Variants in PIEZO2 observed in about 807,000 individuals in gnomAD.
PIEZO2 encodes the protein piezo-type mechanosensitive ion channel component 2.
A neutral mutation model predicts 337.3 loss-of-function variants in PIEZO2; 172 were observed. The ratio of observed to expected loss-of-function variants is 0.51; its 90% CI spans 0.45 to 0.58. PIEZO2 has a LOEUF of 0.58. PIEZO2 is among the 20% of genes least tolerant of loss of function. PIEZO2 has a pLI of 0.00. For synonymous variants in PIEZO2, 1,251 were observed against 1,228.5 expected, an observed-to-expected ratio of 1.02 and a Z score of -0.38; for missense variants, 3,028 against 3,391.3, an observed-to-expected ratio of 0.89 and a Z score of 2.66.
intron 5 of PIEZO2, among the ~76,000 whole-genome samples, chr18:10,864,981 C>T (rs968025008): frequency 6.6e-6 from 1 of 152,164 alleles, no homozygotes; most frequent in Admixed American, 6.5e-5. Flanking sequence ...GGGAGAAGAG[C>T]ATCTGCACAA....
chr18:10,887,589 C>T (rs1026219380), intron 4 of PIEZO2, among the ~76,000 whole-genome samples: 1 of 152,198 alleles, frequency 6.6e-6, no homozygotes, highest in Non-Finnish European at 1.5e-5. Flanking sequence ...ATTGACACAA[C>T]ACTGCCATCC....
At chr18:10,999,858 A>G (rs1266916616) in intron 2 of PIEZO2, among the ~76,000 whole-genome samples, 1 of 152,258 alleles carries the variant, frequency 6.6e-6, no homozygotes, top group East Asian at 1.9e-4. Context: ...TAAATTCTAA[A>G]TGAGATTAAA....
chr18:10,943,290 G>A lies in PIEZO2; in HGVS notation c.287-32062C>T, dbSNP rs1030414944. On this transcript the variant is annotated intron_variant, in intron 3 of 55. Transcript: ENST00000674853. The surrounding 1 kb of genome is among the most constrained non-coding windows in gnomAD (Gnocchi z 4.5). ...CTTGCACCATGTGCCTGGAAAAGCC[G>A]CAGACACTCAACTCCAACCAGTGAA... Among the ~76,000 whole-genome samples, 9 of 152,262 alleles carry A rather than the reference G, an allele frequency of 5.9e-5. No individual in the cohort carries two copies. The highest frequency in any genetic ancestry group is 1.7e-4 in the African/African-American group (7 of 41,560).
intron 17 of PIEZO2, among the ~76,000 whole-genome samples, chr18:10,782,281 T>C (rs1260009421): frequency 3.3e-5 from 1 of 30,376 alleles, no homozygotes; most frequent in Non-Finnish European, 6.9e-5. Context: ...AACAATTATA[T>C]AATATAATTA....
chr18:10,865,423 G>T (rs1030975155), intron 5 of PIEZO2, among the ~76,000 whole-genome samples: 33 of 152,162 alleles, frequency 2.2e-4, no homozygotes, highest in African/African-American at 8.0e-4. Flanking sequence ...TGCTTGGTGA[G>T]GATTGTGGCA....
At position 11,106,558 on chromosome 18, in the gene PIEZO2, C is replaced by A. The variant is rs115494673; in HGVS notation, c.65-40336G>T. ...AAGAATCTGGGACCACAACCACGCA[C>A]ACCACCATACCAGGATATTTTGTTT... On this transcript the variant is annotated intron_variant, in intron 1 of 55. Coordinates refer to ENST00000674853, the MANE Select transcript of PIEZO2 (RefSeq NM_001378183.1). 8.0e-3 allele frequency among the ~76,000 whole-genome samples: 1,211 copies of A among 151,992 alleles called. 16 individuals carry two copies. The highest frequency in any genetic ancestry group is 0.027 in the African/African-American group (1,135 of 41,420).
intron 30 of PIEZO2, among the ~76,000 whole-genome samples, chr18:10,747,450 A>T (rs538600083): frequency 6.6e-6 from 1 of 152,226 alleles, no homozygotes; most frequent in Non-Finnish European, 1.5e-5. Context: ...GTTTATATAC[A>T]AGTAAGTAAG....
rs1288890705 is a variant in PIEZO2, at chr18:10,759,881, A to G, written c.3479T>C (p.Ile1160Thr). Residue 1160 changes from isoleucine (I) to threonine (T), a missense_variant, in exon 25 of 56, where the codon ATT (isoleucine) becomes ACT (threonine). Physicochemically the swap from Ile to Thr is moderately conservative, Grantham distance 89. Coordinates refer to ENST00000674853, the MANE Select transcript of PIEZO2 (RefSeq NM_001378183.1). This position sits in a 1 kb window ranked among gnomAD's most constrained non-coding sequence, Gnocchi z 5.5. ...GGCATAGAAATCCATTCGCTGGCCA[A>G]TGACGTTAACTGACATTAGGAAACA... ...ETCFLMSVNV[I>T]GQRMDFYAMI... 3 of 1,537,494 alleles carry G rather than the reference A, an allele frequency of 2.0e-6. No homozygotes were observed. Among genetic ancestry groups the G allele is most frequent in the Middle Eastern group, 1.7e-4 (1 of 6,012 alleles).
In PIEZO2 at chr18:10,860,799, C is replaced by T. The variant is rs2041851798; in HGVS notation, c.493-3588G>A. Among the ~76,000 whole-genome samples, 3 of 152,186 alleles carry T rather than the reference C, an allele frequency of 2.0e-5. No individual in the cohort carries two copies. The South Asian group carries it at 6.2e-4, about 31-fold the overall frequency. ...ATTAAATCAAATAGAAATCTCTGAT[C>T]AAGATGTCTTTGTGAGGTTATACAA... is the stretch of plus-strand genomic sequence containing the variant. On this transcript the variant is annotated intron_variant, in intron 5 of 55. Transcript: ENST00000674853.
chr18:10,958,623 T>C (rs2033637511), intron 3 of PIEZO2, among the ~76,000 whole-genome samples: 1 of 152,150 alleles, frequency 6.6e-6, no homozygotes, highest in Non-Finnish European at 1.5e-5. Flanking sequence ...TATACATAGA[T>C]CAAAACATCG....
chr18:10,939,408 C>T (rs1246919332), intron 3 of PIEZO2, among the ~76,000 whole-genome samples: 2 of 146,968 alleles, frequency 1.4e-5, no homozygotes, highest in Non-Finnish European at 3.0e-5. Flanking sequence ...CCAGCAATCC[C>T]ATTACTGGGT....
intron 1 of PIEZO2, among the ~76,000 whole-genome samples, chr18:11,072,847 C>T (rs895133576): frequency 3.9e-5 from 6 of 152,194 alleles, no homozygotes; most frequent in Admixed American, 1.3e-4. Flanking sequence ...AGGTCAAGGC[C>T]GGGCTAGGAT....
Position 11,083,524 on chromosome 18 carries a change from G to A in PIEZO2, c.65-17302C>T, listed in dbSNP as rs2038821265. ...AGAGAGGAGAAGCCTGTACACAAAG[G>A]GGGAGCCACTCAGGTGGTGCCAGCC... is the stretch of plus-strand genomic sequence containing the variant. On this transcript the variant is annotated intron_variant, in intron 1 of 55. Coordinates refer to ENST00000674853, the MANE Select transcript of PIEZO2 (RefSeq NM_001378183.1). This position sits in a 1 kb window ranked among gnomAD's most constrained non-coding sequence, Gnocchi z 4.4. 6.6e-6 allele frequency among the ~76,000 whole-genome samples: 1 copy of A among 152,194 alleles called. No homozygotes were observed. The highest frequency in any genetic ancestry group is 1.5e-5 in the Non-Finnish European group (1 of 68,032).
rs1165987415 is a variant in PIEZO2 at position 10,830,209 on chromosome 18, T to C, written c.918-22935A>G. Reference sequence around the variant, plus strand: ...ACATGGGAAAGGACAGTCTCTTCAATAAATGGTGCTGGGAAAACTGGATAT... The same window carrying C: ...ACATGGGAAAGGACAGTCTCTTCAACAAATGGTGCTGGGAAAACTGGATAT... On this transcript the variant is annotated intron_variant, in intron 7 of 55. Transcript: ENST00000674853. The surrounding 1 kb of genome is among the most constrained non-coding windows in gnomAD (Gnocchi z 4.7). Among the ~76,000 whole-genome samples, 9 of 152,130 alleles carry C rather than the reference T, an allele frequency of 5.9e-5. No individual in the cohort carries two copies. Among genetic ancestry groups the C allele is most frequent in the African/African-American group, 2.2e-4 (9 of 41,430 alleles).
intron 2 of PIEZO2, among the ~76,000 whole-genome samples, chr18:11,058,725 A>C (rs1327575056): frequency 6.6e-6 from 1 of 152,210 alleles, no homozygotes; most frequent in Admixed American, 6.5e-5. Flanking sequence ...AGCTTAGAGA[A>C]AAAAGAATAA....
At chr18:10,793,952 C>G (rs1390141200) in intron 13 of PIEZO2, among the ~76,000 whole-genome samples, 2 of 152,146 alleles carry the variant, frequency 1.3e-5, no homozygotes, top group Non-Finnish European at 2.9e-5. Context: ...ACCTGCTTGC[C>G]TTGGATATGG....
chr18:10,934,293 G>A (rs1485298358), intron 3 of PIEZO2, among the ~76,000 whole-genome samples: 3 of 152,206 alleles, frequency 2.0e-5, no homozygotes, highest in Admixed American at 6.5e-5. Context: ...GGCAGGCATT[G>A]TGAGGCTTCC....
Position 10,972,190 on chromosome 18 carries a change from A to AG in PIEZO2, c.286+7344_286+7345insC, listed in dbSNP as rs1555685108. ...TCCGCCTCAAAAAAAAAAAAAAAAAAAGAGAGAGAGAGATAATAGCAGCAG... is the reference window on the plus strand; with the variant it reads ...TCCGCCTCAAAAAAAAAAAAAAAAAAGAGAGAGAGAGAGATAATAGCAGCAG... On this transcript the variant is annotated intron_variant, in intron 3 of 55. Transcript: ENST00000674853. 1.5e-3 allele frequency among the ~76,000 whole-genome samples: 228 copies of AG among 149,806 alleles called. 1 individual carries two copies. In the East Asian group the frequency reaches 0.017, roughly 11 times the overall value.
intron 10 of PIEZO2, 123 bp downstream of exon 10, chr18:10,801,266 CA>C (rs2039804542): frequency 6.3e-6 from 5 of 798,834 alleles, no homozygotes; most frequent in Non-Finnish European, 9.3e-6. Context: ...AATTTATGCC[CA>C]AAAATGGAAA....
Sources: allele counts gnomAD v4.1 joint callset (sites outside exome capture counted in the v4.1 genomes callset), GRCh38; gene constraint gnomAD v4.1.1; non-coding constraint Gnocchi (gnomAD v3.1); transcripts MANE v1.5; gene names NCBI Gene and HGNC (gene_info 2026-07-23, HGNC 2026-07-21).